Variants in RRAGC observed in about 807,000 individuals in gnomAD.
The protein encoded by RRAGC is Ras related GTP binding C.
RRAGC carries 8 observed loss-of-function variants against 37.1 expected under a neutral mutation model. The ratio of observed to expected loss-of-function variants is 0.22; its 90% CI spans 0.13 to 0.39. RRAGC has a LOEUF of 0.39. RRAGC is among the 10% of genes least tolerant of loss of function. The pLI is 1.00. For missense variants in RRAGC, 342 were observed against 497.6 expected (o/e 0.69, Z 2.98); for synonymous variants, 190 against 181.1 (o/e 1.05, Z -0.39).
intron 2 of RRAGC, chr1:38,856,583 CTAT>C (rs1000554985): frequency 4.3e-6 from 1 of 230,130 alleles, no homozygotes; most frequent in African/African-American, 2.3e-5. Flanking sequence ...AATAACATCA[CTAT>C]TATTATAAAA....
At chr1:38,840,816 A>G (rs1641954501) in intron 6 of RRAGC, among the ~76,000 whole-genome samples, 1 of 152,372 alleles carries the variant, frequency 6.6e-6, no homozygotes, top group Admixed American at 6.5e-5. Flanking sequence ...AGCCAAATTA[A>G]GGTGGACCTT....
chr1:38,848,614 T>A (rs1642055362), intron 5 of RRAGC, among the ~76,000 whole-genome samples: 1 of 152,188 alleles, frequency 6.6e-6, no homozygotes, highest in African/African-American at 2.4e-5. Flanking sequence ...CTGTAAAGCA[T>A]AAGATCTGCT....
At chr1:38,846,267 A>C (rs1227999262) in intron 5 of RRAGC, 180 bp from the exon 6 acceptor site, 1 of 548,478 alleles carries the variant, frequency 1.8e-6, no homozygotes, top group Non-Finnish European at 3.2e-6. Context: ...TTTCAGGGAT[A>C]CCTATTAAAA....
intron 3 of RRAGC, 116 bp from the exon 4 acceptor site, chr1:38,852,604 G>C (rs1394756146): frequency 1.7e-6 from 1 of 580,476 alleles, no homozygotes; most frequent in African/African-American, 1.9e-5. Context: ...GTTCAATAAA[G>C]CCTCTTTATC....
chr1:38,839,734 C>T (rs1042189591), intron 6 of RRAGC, 30 bp from the exon 7 acceptor site: 47 of 1,602,976 alleles, frequency 2.9e-5, no homozygotes, highest in Non-Finnish European at 4.0e-5. Context: ...AAGAATGCCT[C>T]CTGAATTGTC....
intron 6 of RRAGC, among the ~76,000 whole-genome samples, chr1:38,841,207 C>T (rs1006766519): frequency 2.0e-5 from 3 of 151,930 alleles, no homozygotes; most frequent in Non-Finnish European, 4.4e-5. Flanking sequence ...ACAGTTTCCA[C>T]AATAAAATAA....
chr1:38,841,892 T>C (rs886430225), intron 6 of RRAGC, among the ~76,000 whole-genome samples: 2 of 152,118 alleles, frequency 1.3e-5, no homozygotes, highest in African/African-American at 4.8e-5. Context: ...ATCCCAGCGC[T>C]TTGGGAGGCC....
chr1:38,839,718 A>G lies in RRAGC; in HGVS notation c.1049-14T>C. ...AGTCTATTAAACCTGCAGGAAGGAA[A>G]AAGAAAAGAATGCCTCCTGAATTGT... On this transcript the variant is annotated splice_polypyrimidine_tract_variant and intron_variant, in intron 6 of 6. Transcript: ENST00000373001. 6.2e-7 allele frequency: 1 copy of G among 1,612,498 alleles called. No homozygotes were observed. The highest frequency in any genetic ancestry group is 8.5e-7 in the Non-Finnish European group (1 of 1,179,172).
At chr1:38,853,122 C>T (rs1642121157) in intron 3 of RRAGC, among the ~76,000 whole-genome samples, 1 of 152,232 alleles carries the variant, frequency 6.6e-6, no homozygotes, top group African/African-American at 2.4e-5. Flanking sequence ...CTGAACAGTG[C>T]TCATAAGTAT....
chr1:38,859,731 C>T lies in RRAGC; in HGVS notation c.-85G>A, dbSNP rs2124239382. 5.1e-6 allele frequency: 6 copies of T among 1,169,782 alleles called. No homozygotes were observed. Among genetic ancestry groups the T allele is most frequent in the East Asian group, 3.3e-5 (1 of 29,872 alleles). 72.5% of individuals were successfully genotyped at this position (1,169,782 alleles called of 1,614,324 possible). On this transcript the variant is annotated 5_prime_UTR_variant, in exon 1 of 7. Coordinates refer to ENST00000373001, the MANE Select transcript of RRAGC (RefSeq NM_022157.4). ...CGCCTCCCCAGTCCGCCTCCGCCGC[C>T]GCCGCCACCACCGCCACCGCCCCCG...
chr1:38,859,733 C>A lies in RRAGC; in HGVS notation c.-87G>T, dbSNP rs1347263700. 3.7e-6 allele frequency: 4 copies of A among 1,088,094 alleles called. No individual in the cohort carries two copies. The highest frequency in any genetic ancestry group is 4.6e-6 in the Non-Finnish European group (4 of 860,558). 67.4% of individuals were successfully genotyped at this position (1,088,094 alleles called of 1,614,324 possible). On this transcript the variant is annotated 5_prime_UTR_variant, in exon 1 of 7. Transcript: ENST00000373001. ...CCTCCCCAGTCCGCCTCCGCCGCCG[C>A]CGCCACCACCGCCACCGCCCCCGGC... is the stretch of plus-strand genomic sequence containing the variant.
chr1:38,846,592 T>TA (rs1307535104), intron 5 of RRAGC: 1 of 152,556 alleles, frequency 6.6e-6, no homozygotes, highest in Admixed American at 6.5e-5. Flanking sequence ...AGAAAATACT[T>TA]AGACTAAACA....
intron 6 of RRAGC, among the ~76,000 whole-genome samples, chr1:38,844,487 C>T (rs12093813): frequency 0.016 from 2,324 of 148,966 alleles, 70 homozygotes; most frequent in African/African-American, 0.054. Flanking sequence ...GAGAGGTGGT[C>T]GGGAAAACAA....
chr1:38,855,648 G>C (rs1300692808), intron 3 of RRAGC, 60 bp downstream of exon 3: 6 of 1,301,550 alleles, frequency 4.6e-6, no homozygotes, highest in Non-Finnish European at 6.7e-6. Context: ...TGTAATGACA[G>C]AGATGGGAAT....
intron 6 of RRAGC, 96 bp from the exon 7 acceptor site, chr1:38,839,800 G>A: frequency 8.0e-7 from 1 of 1,250,324 alleles, no homozygotes; most frequent in Non-Finnish European, 1.1e-6. Flanking sequence ...ATAAACACTG[G>A]TTGGAAATTC....
chr1:38,839,842 A>G, intron 6 of RRAGC, 138 bp from the exon 7 acceptor site: 1 of 820,146 alleles, frequency 1.2e-6, no homozygotes, highest in Non-Finnish European at 1.9e-6. Context: ...CAACTTCTTC[A>G]ATCGTAAGAA....
intron 5 of RRAGC, among the ~76,000 whole-genome samples, chr1:38,850,137 CG>C (rs1642081509): frequency 6.6e-6 from 1 of 151,810 alleles, no homozygotes; most frequent in East Asian, 1.9e-4. Context: ...ACCCAGGAGG[CG>C]GAGATTGCAG....
At chr1:38,859,351 C>A in intron 1 of RRAGC, 59 bp downstream of exon 1, 1 of 1,476,956 alleles carries the variant, frequency 6.8e-7, no homozygotes, top group South Asian at 1.2e-5. Flanking sequence ...CGGGCGTCCC[C>A]GCTACCGGCC....
rs1641939410 is a variant in RRAGC at position 38,839,692 on chromosome 1, T to C, written c.1061A>G (p.Tyr354Cys). The C allele has an allele frequency of 1.2e-6, 2 of 1,614,138 alleles. No homozygotes were observed. The highest frequency in any genetic ancestry group is 2.7e-5 in the African/African-American group (2 of 75,032). The part of the protein sequence containing the change: ...ESFERKGLID[Y>C]NFHCFRKAIH... ...AGCTTTTCGGAAACAGTGGAAGTTG[T>C]AGTCTATTAAACCTGCAGGAAGGAA... is the stretch of plus-strand genomic sequence containing the variant. The change falls in exon 7 of 7, where the codon TAC becomes TGC. Residue 354 changes from tyrosine (Y) to cysteine (C), a missense_variant. Tyr to Cys is a radical substitution (Grantham distance 194, BLOSUM62 -2). Transcript: ENST00000373001.
Sources: gnomAD v4.1 joint callset for allele counts (sites outside exome capture counted in the v4.1 genomes callset) on GRCh38, gnomAD v4.1.1 for gene constraint, MANE v1.5 for transcripts, NCBI Gene and HGNC (gene_info 2026-07-23, HGNC 2026-07-21) for gene names.